Variants in CAMTA1 observed in about 807,000 individuals in gnomAD.
The protein encoded by CAMTA1 is calmodulin-binding transcription activator 1.
CAMTA1 carries 27 observed loss-of-function variants against 170.9 expected under a neutral mutation model. The observed-to-expected ratio is 0.16, with a 90% CI of 0.12 to 0.22. CAMTA1 has a LOEUF of 0.22. Among genes scored for constraint, CAMTA1 ranks in the 10% least tolerant of loss-of-function variants. The pLI is 1.00. For missense variants in CAMTA1, 1,619 were observed against 2,217.2 expected (o/e 0.73, Z 5.42); for synonymous variants, 833 against 891.5 (o/e 0.93, Z 1.17).
rs2097031686 is a variant in CAMTA1, at chr1:7,767,733, A to G, written c.*1242A>G. ...AAAAAGAAATGAACAAAAGCAAAGC[A>G]TTAGTGGCTATGGTCTGTAAAATGA... is the stretch of plus-strand genomic sequence containing the variant. On this transcript the variant is annotated 3_prime_UTR_variant, in exon 23 of 23. Transcript: ENST00000303635. 6.6e-6 allele frequency: 1 copy of G among 152,636 alleles called. No homozygotes were observed. Among genetic ancestry groups the G allele is most frequent in the Non-Finnish European group, 1.5e-5 (1 of 68,018 alleles). The allele number at this position is 152,636 out of a possible 1,614,324, so 9.5% of individuals were successfully genotyped here.
intron 6 of CAMTA1, among the ~76,000 whole-genome samples, chr1:7,500,495 G>A (rs769910719): frequency 1.3e-5 from 2 of 152,090 alleles, no homozygotes; most frequent in Non-Finnish European, 2.9e-5. Context: ...TCTCTCTGCA[G>A]GTCTGGAGAC....
intron 11 of CAMTA1, among the ~76,000 whole-genome samples, chr1:7,726,049 A>T (rs746376658): frequency 1.1e-4 from 16 of 152,248 alleles, no homozygotes; most frequent in Non-Finnish European, 2.2e-4. Context: ...GCTGAGACTC[A>T]CACCCAGAGG....
In CAMTA1 at chr1:7,549,972, G is replaced by T. The variant is rs534578646; in HGVS notation, c.510+82071G>T. Among the ~76,000 whole-genome samples, 87 of 152,232 alleles carry T rather than the reference G, an allele frequency of 5.7e-4. 1 individual carries two copies. The highest frequency in any genetic ancestry group is 1.9e-3 in the African/African-American group (80 of 41,540). On this transcript the variant is annotated intron_variant, in intron 6 of 22. Coordinates refer to ENST00000303635, the MANE Select transcript of CAMTA1 (RefSeq NM_015215.4). ...AGAGACAGAGGTTAGGGGCTCTGGT[G>T]CTCGGAGGAGGAGTCTCAAAGGAAT...
In CAMTA1 at chr1:7,157,014, A is replaced by G. The variant is rs374400704; in HGVS notation, c.302+65643A>G. ...GATCAGAAAGAATTTTTATGCAGAA[A>G]AAAGTATTTGACAACACTTAACACA... On this transcript the variant is annotated intron_variant, in intron 4 of 22. Coordinates refer to ENST00000303635, the MANE Select transcript of CAMTA1 (RefSeq NM_015215.4). Among the ~76,000 whole-genome samples, 8 of 152,310 alleles carry G rather than the reference A, an allele frequency of 5.3e-5. No individual in the cohort carries two copies. The East Asian group carries it at 1.5e-3, about 29-fold the overall frequency.
At chr1:6,862,489 C>A (rs536645902) in intron 3 of CAMTA1, among the ~76,000 whole-genome samples, 1 of 152,338 alleles carries the variant, frequency 6.6e-6, no homozygotes, top group Admixed American at 6.5e-5. Context: ...GGTGTAAAAT[C>A]TGAGAGCCAG....
intron 6 of CAMTA1, among the ~76,000 whole-genome samples, chr1:7,545,748 A>G (rs1001589569): frequency 1.8e-4 from 27 of 152,002 alleles, no homozygotes; most frequent in African/African-American, 6.5e-4. Flanking sequence ...ACATAGGTAG[A>G]CATGTGCCAT....
intron 11 of CAMTA1, among the ~76,000 whole-genome samples, chr1:7,703,942 C>G (rs925618990): frequency 6.6e-6 from 1 of 152,074 alleles, no homozygotes; most frequent in South Asian, 2.1e-4. Flanking sequence ...GGAGGTTAGA[C>G]CCAAAGGGTG....
rs904694475 is a variant in CAMTA1, at chr1:7,743,277, G to A, written c.4183-1558G>A. Reference sequence around the variant, plus strand: ...ACAGCTTTATTGAGGTATAATTTACGTATGATAAAAAATTTATAAAATTAT... The same window carrying A: ...ACAGCTTTATTGAGGTATAATTTACATATGATAAAAAATTTATAAAATTAT... On this transcript the variant is annotated intron_variant, in intron 16 of 22. Coordinates refer to ENST00000303635, the MANE Select transcript of CAMTA1 (RefSeq NM_015215.4). Among the ~76,000 whole-genome samples, 26 of 151,716 alleles carry A rather than the reference G, an allele frequency of 1.7e-4. 1 individual carries two copies. Among genetic ancestry groups the A allele is most frequent in the African/African-American group, 5.6e-4 (23 of 41,252 alleles).
At chr1:7,310,677 T>TC (rs1676480721) in intron 5 of CAMTA1, among the ~76,000 whole-genome samples, 4 of 29,594 alleles carry the variant, frequency 1.4e-4, no homozygotes, top group East Asian at 2.0e-3. Flanking sequence ...CTTTCCTTTC[T>TC]TTCTCTCTCT....
chr1:7,020,541 A>G (rs1014447394), intron 3 of CAMTA1, among the ~76,000 whole-genome samples: 4 of 152,238 alleles, frequency 2.6e-5, no homozygotes, highest in South Asian at 4.1e-4. Flanking sequence ...CCTTGTCATT[A>G]TGGGACGCAG....
At chr1:7,214,951 G>C (rs1659496573) in intron 4 of CAMTA1, among the ~76,000 whole-genome samples, 1 of 149,008 alleles carries the variant, frequency 6.7e-6, no homozygotes, top group Admixed American at 6.7e-5. Flanking sequence ...AATTAATTTT[G>C]GCATTTCTGT....
intron 3 of CAMTA1, among the ~76,000 whole-genome samples, chr1:6,911,782 C>T (rs905149936): frequency 1.2e-4 from 18 of 152,232 alleles, no homozygotes; most frequent in African/African-American, 3.6e-4. Context: ...AAATTAACAA[C>T]TTCGAGTGAT....
chr1:7,429,270 G>C (rs940338022), intron 5 of CAMTA1, among the ~76,000 whole-genome samples: 1 of 152,210 alleles, frequency 6.6e-6, no homozygotes, highest in African/African-American at 2.4e-5. Context: ...AATGATTTAT[G>C]TCAAGCCCTT....
At chr1:7,201,294 T>C (rs988858136) in intron 4 of CAMTA1, among the ~76,000 whole-genome samples, 32 of 152,246 alleles carry the variant, frequency 2.1e-4, no homozygotes, top group African/African-American at 7.7e-4. Context: ...GGCTTCATTA[T>C]ATGGATATAA....
At chr1:7,006,085 G>A (rs1447438034) in intron 3 of CAMTA1, among the ~76,000 whole-genome samples, 1 of 152,184 alleles carries the variant, frequency 6.6e-6, no homozygotes, top group Admixed American at 6.5e-5. Flanking sequence ...GCCAGTCACA[G>A]TGTCTCTGGG....
chr1:6,868,782 T>C (rs1301013052), intron 3 of CAMTA1, among the ~76,000 whole-genome samples: 2 of 152,242 alleles, frequency 1.3e-5, no homozygotes, highest in African/African-American at 4.8e-5. Context: ...GCTGTAACAC[T>C]GATGACTTGA....
intron 21 of CAMTA1, among the ~76,000 whole-genome samples, chr1:7,752,897 C>T (rs879884684): frequency 2.0e-4 from 31 of 152,164 alleles, no homozygotes; most frequent in Non-Finnish European, 4.3e-4. Flanking sequence ...ACTATGCTAG[C>T]GCGTGTCCAA....
At chr1:7,436,498 C>T (rs745774602) in intron 5 of CAMTA1, among the ~76,000 whole-genome samples, 4 of 152,126 alleles carry the variant, frequency 2.6e-5, no homozygotes, top group Non-Finnish European at 5.9e-5. Flanking sequence ...CTTGTGGGCC[C>T]GGCAGAGCCT....
At chr1:7,204,809 C>CTTTTT (rs61639082) in intron 4 of CAMTA1, among the ~76,000 whole-genome samples, 1 of 120,976 alleles carries the variant, frequency 8.3e-6, no homozygotes, top group Non-Finnish European at 1.7e-5. Flanking sequence ...GTCAGAGTTT[C>CTTTTT]TTTTTTTTTT....
Sources: gnomAD v4.1 joint callset for allele counts (sites outside exome capture counted in the v4.1 genomes callset) on GRCh38, gnomAD v4.1.1 for gene constraint, MANE v1.5 for transcripts, NCBI Gene and HGNC (gene_info 2026-07-23, HGNC 2026-07-21) for gene names.